Variants in EPC1 observed in about 807,000 individuals in gnomAD.
The protein encoded by EPC1 is enhancer of polycomb homolog 1.
Under a neutral mutation model 98.4 loss-of-function variants are expected in EPC1, and 12 were observed. That is an observed-to-expected ratio of 0.12 (90% CI 0.08 to 0.20). The LOEUF is 0.20. Ranked by LOEUF, EPC1 falls within the 10% of genes least tolerant of loss-of-function variation. The pLI, the probability that EPC1 is intolerant of heterozygous loss-of-function variation, is 1.00. For missense variants in EPC1, 729 were observed against 990.5 expected (o/e 0.74, Z 3.54); for synonymous variants, 357 against 363.9 (o/e 0.98, Z 0.21).
At chr10:32,292,307 C>T in intron 5 of EPC1, 189 bp downstream of exon 5, 1 of 392,134 alleles carries the variant, frequency 2.6e-6, no homozygotes. Context: ...TAAGTGAATC[C>T]AGTCACTTTT....
At chr10:32,279,176 C>T (rs780324484) in intron 10 of EPC1, among the ~76,000 whole-genome samples, 38 of 151,914 alleles carry the variant, frequency 2.5e-4, no homozygotes, top group Admixed American at 5.9e-4. Flanking sequence ...GGTGAAACCC[C>T]GTCTCTACTA....
chr10:32,314,501 C>G (rs916519927), intron 1 of EPC1, among the ~76,000 whole-genome samples: 3 of 152,130 alleles, frequency 2.0e-5, no homozygotes, highest in Non-Finnish European at 4.4e-5. Flanking sequence ...AGCAAGTCAC[C>G]CTGCTATGTA....
chr10:32,356,436 A>G (rs1266588846), intron 1 of EPC1, among the ~76,000 whole-genome samples: 2 of 152,024 alleles, frequency 1.3e-5, no homozygotes, highest in African/African-American at 4.8e-5. Flanking sequence ...AGAGAGGAGC[A>G]TAGAGAATGG....
At chr10:32,299,395 G>A (rs761215280) in intron 2 of EPC1, among the ~76,000 whole-genome samples, 8 of 151,858 alleles carry the variant, frequency 5.3e-5, no homozygotes, top group Admixed American at 6.6e-5. Flanking sequence ...CATGTTGGCC[G>A]GGCTGGTCTT....
At position 32,313,408 on chromosome 10, in the gene EPC1, G is replaced by A. The variant is rs1431561361; in HGVS notation, c.154-7477C>T. Among the ~76,000 whole-genome samples the A allele has an allele frequency of 3.9e-5, 6 of 152,122 alleles. 1 individual carries two copies. In the South Asian group the frequency reaches 6.2e-4, roughly 16 times the overall value. ...ACACTGCAGAGGTTACACTCTAACAGGAAGGACAGATACTAATGAAATCTA... is the reference window on the plus strand; with the variant it reads ...ACACTGCAGAGGTTACACTCTAACAAGAAGGACAGATACTAATGAAATCTA... On this transcript the variant is annotated intron_variant, in intron 1 of 13. Transcript: ENST00000319778.
At chr10:32,326,478 G>A (rs140619295) in intron 1 of EPC1, among the ~76,000 whole-genome samples, 20 of 152,186 alleles carry the variant, frequency 1.3e-4, no homozygotes, top group African/African-American at 4.6e-4. Context: ...AAAACTTTGC[G>A]TATTTTATGC....
At position 32,345,154 on chromosome 10, in the gene EPC1, TA is replaced by T. The variant is rs1165179598; in HGVS notation, c.153+1608del. 9 of 980,752 alleles carry T rather than the reference TA, an allele frequency of 9.2e-6. No homozygotes were observed. The African/African-American group carries it at 1.6e-4, about 17-fold the overall frequency. 60.8% of individuals were successfully genotyped at this position (980,752 alleles called of 1,614,324 possible). ...TAATTTTTAAAAACAAATCACTTAT[TA>T]AAAAATAAACAAATGGCCATGCTAC... On this transcript the variant is annotated intron_variant, in intron 1 of 13. Coordinates refer to ENST00000319778, the MANE Select transcript of EPC1 (RefSeq NM_001272004.3).
At chr10:32,306,849 T>G (rs921569020) in intron 1 of EPC1, among the ~76,000 whole-genome samples, 1 of 93,596 alleles carries the variant, frequency 1.1e-5, no homozygotes, top group Non-Finnish European at 2.3e-5. Context: ...TATGCCTTAT[T>G]AAATTCAAAC....
chr10:32,272,903 C>G (rs530250340), intron 11 of EPC1: 5 of 828,050 alleles, frequency 6.0e-6, no homozygotes, highest in Non-Finnish European at 9.8e-6. Flanking sequence ...TCAAGAGGTA[C>G]ATTAATGGAC....
chr10:32,280,849 T>C (rs1836374684), intron 10 of EPC1, among the ~76,000 whole-genome samples: 1 of 152,186 alleles, frequency 6.6e-6, no homozygotes, highest in African/African-American at 2.4e-5. Context: ...TTTTACAAAA[T>C]AGTTAACTTC....
At chr10:32,347,436 C>G (rs777508062), upstream of EPC1, 30 of 159,262 alleles carry the variant, frequency 1.9e-4, no homozygotes, top group Non-Finnish European at 3.4e-4. Context: ...CTTTCTCACG[C>G]TCGCTCCCTC....
At chr10:32,336,283 T>C (rs777539159) in intron 1 of EPC1, among the ~76,000 whole-genome samples, 6 of 128,298 alleles carry the variant, frequency 4.7e-5, no homozygotes, top group Non-Finnish European at 1.0e-4. Flanking sequence ...TTGGCCAGGC[T>C]GGTCTCGAAC....
In EPC1 at chr10:32,286,940, A is replaced by C. The variant is rs773205725; in HGVS notation, c.1228T>G (p.Cys410Gly). 8 of 1,613,550 alleles carry C rather than the reference A, an allele frequency of 5.0e-6. No individual in the cohort carries two copies. In the South Asian group the frequency reaches 7.7e-5, roughly 16 times the overall value. ...GPFAFRRKAG[C>G]QYYAPHLDQT... ...CTGAAACTTACAGCATAGTACTGAC[A>C]GCCTGCTTTCCTACGGAAAGCAAAA... Residue 410 changes from cysteine (C) to glycine (G), a missense_variant, in exon 8 of 14, where the codon TGT (cysteine) becomes GGT (glycine). Cys to Gly is a radical substitution (Grantham distance 159). Around this residue, in one of 6 missense-constraint regions of EPC1, gnomAD observed 390 missense variants for 438.6 expected, o/e 0.89. Coordinates refer to ENST00000319778, the MANE Select transcript of EPC1 (RefSeq NM_001272004.3).
intron 1 of EPC1, among the ~76,000 whole-genome samples, chr10:32,319,807 T>C (rs1490153174): frequency 6.6e-6 from 1 of 151,996 alleles, no homozygotes; most frequent in African/African-American, 2.4e-5. Context: ...TCCCGAGTAG[T>C]TGGGGTTTAC....
At chr10:32,372,313 C>T in intron 1 of EPC1, among the ~76,000 whole-genome samples, 1 of 152,206 alleles carries the variant, frequency 6.6e-6, no homozygotes, top group Non-Finnish European at 1.5e-5. Flanking sequence ...TACAACAAAA[C>T]CCCGCAAAAT....
At position 32,315,156 on chromosome 10, in the gene EPC1, G is replaced by A. The variant is rs1301032961; in HGVS notation, c.154-9225C>T. 2.0e-5 allele frequency among the ~76,000 whole-genome samples: 3 copies of A among 152,106 alleles called. No individual in the cohort carries two copies. In the South Asian group the frequency reaches 6.2e-4, roughly 31 times the overall value. On this transcript the variant is annotated intron_variant, in intron 1 of 13. Transcript: ENST00000319778. ...GGACTGTAAATCTTTTAAGGTTGAGGACTAAATAATATTGTCTTTGTAATG... is the reference window on the plus strand; with the variant it reads ...GGACTGTAAATCTTTTAAGGTTGAGAACTAAATAATATTGTCTTTGTAATG...
At chr10:32,336,776 T>C (rs995252057) in intron 1 of EPC1, among the ~76,000 whole-genome samples, 3 of 152,200 alleles carry the variant, frequency 2.0e-5, no homozygotes, top group Non-Finnish European at 4.4e-5. Context: ...CTGTTGGAAT[T>C]AGTAACCAAT....
At chr10:32,358,410 G>A (rs1301746658) in intron 1 of EPC1, among the ~76,000 whole-genome samples, 3 of 152,088 alleles carry the variant, frequency 2.0e-5, no homozygotes, top group Non-Finnish European at 4.4e-5. Context: ...TTTCAAGGCT[G>A]AAGCAGGAGG....
chr10:32,377,851 C>T (rs1238541318), intron 1 of EPC1, among the ~76,000 whole-genome samples: 1 of 151,914 alleles, frequency 6.6e-6, no homozygotes, highest in Non-Finnish European at 1.5e-5. Flanking sequence ...AAAATGTCTC[C>T]CAAATGTACC....
Sources: gnomAD v4.1 joint callset for allele counts (sites outside exome capture counted in the v4.1 genomes callset) on GRCh38, gnomAD v4.1.1 for gene constraint, gnomAD v4.1.1 regional missense constraint, MANE v1.5 for transcripts, NCBI Gene and HGNC (gene_info 2026-07-23, HGNC 2026-07-21) for gene names.